DIABLO: variants seen among roughly 807,000 people sequenced by gnomAD.
DIABLO encodes the protein diablo homolog, mitochondrial.
A neutral mutation model predicts 31.7 loss-of-function variants in DIABLO; 32 were observed. The observed-to-expected ratio is 1.01, with a 90% CI of 0.76 to 1.35. The LOEUF is 1.35. Ranked by LOEUF, DIABLO falls within the 40% of genes most tolerant of loss-of-function variation. DIABLO has a pLI of 0.00. For missense variants in DIABLO, 316 were observed against 286.4 expected, an observed-to-expected ratio of 1.10 and a Z score of -0.75; for synonymous variants, 132 against 103.2, an observed-to-expected ratio of 1.28 and a Z score of -1.69.
intron 4 of DIABLO, 86 bp from the exon 5 acceptor site, chr12:122,216,670 TG>T: frequency 6.5e-7 from 1 of 1,538,396 alleles, no homozygotes; most frequent in Non-Finnish European, 9.0e-7. Context: ...TAGAGAACAC[TG>T]ATTATATTGA....
intron 5 of DIABLO, among the ~76,000 whole-genome samples, chr12:122,210,654 C>T (rs1954065461): frequency 6.6e-6 from 1 of 152,164 alleles, no homozygotes; most frequent in African/African-American, 2.4e-5. Flanking sequence ...GCTGGGATTA[C>T]AGGCGTGAGC....
chr12:122,212,917 G>A (rs1440208369), intron 5 of DIABLO, among the ~76,000 whole-genome samples: 3 of 151,712 alleles, frequency 2.0e-5, no homozygotes, highest in Non-Finnish European at 4.4e-5. Context: ...GAGCCACTGC[G>A]CCCGGCCATT....
intron 5 of DIABLO, chr12:122,209,811 G>A: frequency 1.4e-6 from 1 of 703,548 alleles, no homozygotes; most frequent in Non-Finnish European, 2.6e-6. Context: ...TTGACAGGTA[G>A]TGGAGAATGG....
upstream of DIABLO, chr12:122,226,357 TGA>T (rs1248231390): frequency 1.0e-5 from 6 of 573,700 alleles, no homozygotes; most frequent in Admixed American, 2.8e-5. Context: ...AATTTCCTGG[TGA>T]GTTAGGGAGG....
intron 3 of DIABLO, 72 bp downstream of exon 3, chr12:122,218,194 G>T: frequency 6.4e-7 from 1 of 1,552,860 alleles, no homozygotes; most frequent in South Asian, 1.1e-5. Flanking sequence ...ATGGGTATCA[G>T]ACACAATTTG....
chr12:122,225,108 G>C (rs1034420550), intron 1 of DIABLO: 2 of 326,346 alleles, frequency 6.1e-6, no homozygotes, highest in Non-Finnish European at 1.2e-5. Flanking sequence ...AGCTACTCGG[G>C]AGGCTGAGGC....
intron 5 of DIABLO, among the ~76,000 whole-genome samples, chr12:122,209,459 T>G: frequency 6.6e-6 from 1 of 150,480 alleles, no homozygotes; most frequent in South Asian, 2.1e-4. Context: ...AGCTCAGGAG[T>G]TCAAGACCAG....
Position 122,225,890 on chromosome 12 carries a change from G to A in DIABLO, c.50+75C>T. 3 of 1,545,396 alleles carry A rather than the reference G, an allele frequency of 1.9e-6. No individual in the cohort carries two copies. In the South Asian group the frequency reaches 3.6e-5, roughly 18 times the overall value. On this transcript the variant is annotated intron_variant, in intron 1 of 5. Coordinates refer to ENST00000464942, the MANE Select transcript of DIABLO (RefSeq NM_001371333.1). Reference sequence around the variant, plus strand: ...TGAGCGCGTAAGGAAGGCGGGCGCCGTGGGCCGGGCCACAGCGCTGTCCGC... The same window carrying A: ...TGAGCGCGTAAGGAAGGCGGGCGCCATGGGCCGGGCCACAGCGCTGTCCGC...
At chr12:122,224,387 G>T in intron 2 of DIABLO, 125 bp downstream of exon 2, 1 of 1,405,382 alleles carries the variant, frequency 7.1e-7, no homozygotes, top group Non-Finnish European at 1.0e-6. Flanking sequence ...AAAGATGCCG[G>T]TACTGTGGGG....
rs190761089 is a variant in DIABLO, at chr12:122,213,451, G to A, written c.523+3037C>T. 3.0e-4 allele frequency among the ~76,000 whole-genome samples: 44 copies of A among 148,944 alleles called. 1 individual carries two copies. The highest frequency in any genetic ancestry group is 1.4e-3 in the Admixed American group (21 of 14,918). Reference sequence around the variant, plus strand: ...AGGCTAAGGCTGTAGTAAGCAGTGAGCCATGATTGTGCCACTGTACTCCAG... The same window carrying A: ...AGGCTAAGGCTGTAGTAAGCAGTGAACCATGATTGTGCCACTGTACTCCAG... On this transcript the variant is annotated intron_variant, in intron 5 of 5. Coordinates refer to ENST00000464942, the MANE Select transcript of DIABLO (RefSeq NM_001371333.1).
At chr12:122,224,702 G>A (rs1202671022) in intron 1 of DIABLO, 58 bp from the exon 2 acceptor site, 2 of 1,613,702 alleles carry the variant, frequency 1.2e-6, no homozygotes. Flanking sequence ...CAGGCTCTTG[G>A]ATTTACTTGC....
chr12:122,208,172 T>A lies in DIABLO; in HGVS notation c.*209A>T. ...GAGTGGGGTGAAATGTTAAACAGGG[T>A]GCAGTGCCCAAGGGCTAAGAACCAG... On this transcript the variant is annotated 3_prime_UTR_variant, in exon 6 of 6. Transcript: ENST00000464942. The A allele has an allele frequency of 1.4e-6, 1 of 705,216 alleles. No homozygotes were observed. The highest frequency in any genetic ancestry group is 2.6e-6 in the Non-Finnish European group (1 of 391,454). 43.7% of individuals were successfully genotyped at this position (705,216 alleles called of 1,614,324 possible).
At chr12:122,225,659 T>A in intron 1 of DIABLO, 1 of 1,349,964 alleles carries the variant, frequency 7.4e-7, no homozygotes, top group Non-Finnish European at 9.6e-7. Flanking sequence ...CCTCTCCACG[T>A]CTCCTCAGGG....
At chr12:122,216,929 A>C (rs1364942319) in intron 3 of DIABLO, 60 bp from the exon 4 acceptor site, 3 of 1,421,152 alleles carry the variant, frequency 2.1e-6, no homozygotes, top group Non-Finnish European at 3.0e-6. Flanking sequence ...GAAGGAATAG[A>C]GAGATTTCCA....
intron 5 of DIABLO, among the ~76,000 whole-genome samples, chr12:122,210,068 G>GT (rs1018710852): frequency 6.6e-5 from 10 of 152,148 alleles, no homozygotes; most frequent in African/African-American, 2.4e-4. Flanking sequence ...TCACTCTATA[G>GT]TTTTTTACAG....
At chr12:122,210,611 C>A (rs1460217702) in intron 5 of DIABLO, among the ~76,000 whole-genome samples, 2 of 150,040 alleles carry the variant, frequency 1.3e-5, no homozygotes, top group Non-Finnish European at 2.9e-5. Flanking sequence ...GATCTCCTGA[C>A]CTCGTGATCC....
rs778246669 is a variant in DIABLO, at chr12:122,208,114, G to C, written c.*267C>G. On this transcript the variant is annotated 3_prime_UTR_variant, in exon 6 of 6. Transcript: ENST00000464942. The stretch of plus-strand genomic sequence containing the variant: ...CAGGTAGGCAAAATGCTTTGGGTGT[G>C]AGGTAAAAAAAATGGGTAAGAGCAG... The C allele has an allele frequency of 3.0e-6, 2 of 657,596 alleles. No individual in the cohort carries two copies. The highest frequency in any genetic ancestry group is 3.0e-5 in the South Asian group (2 of 66,296). 40.7% of individuals were successfully genotyped at this position (657,596 alleles called of 1,614,324 possible).
chr12:122,208,145 CAG>C lies in DIABLO; in HGVS notation c.*234_*235del, dbSNP rs1330739394. The C allele has an allele frequency of 2.9e-6, 2 of 690,200 alleles. No individual in the cohort carries two copies. The highest frequency in any genetic ancestry group is 5.3e-6 in the Non-Finnish European group (2 of 380,080). The allele number at this position is 690,200 out of a possible 1,614,324, so 42.8% of individuals were successfully genotyped here. ...AAAAAAATGGGTAAGAGCAGCTGTA[CAG>C]AGTGGGGTGAAATGTTAAACAGGGT... On this transcript the variant is annotated 3_prime_UTR_variant, in exon 6 of 6. Coordinates refer to ENST00000464942, the MANE Select transcript of DIABLO (RefSeq NM_001371333.1).
At chr12:122,222,009 G>GT (rs1015532076) in intron 2 of DIABLO, 5 of 152,176 alleles carry the variant, frequency 3.3e-5, no homozygotes, top group African/African-American at 1.2e-4. Context: ...GAAAATACTT[G>GT]TAATACATGG....
Sources: gnomAD v4.1 joint callset for allele counts (sites outside exome capture counted in the v4.1 genomes callset) on GRCh38, gnomAD v4.1.1 for gene constraint, MANE v1.5 for transcripts, NCBI Gene and HGNC (gene_info 2026-07-23, HGNC 2026-07-21) for gene names.